The following EML3 variants were observed in gnomAD, a reference collection of about 807,000 sequenced individuals.
EML3 encodes echinoderm microtubule-associated protein-like 3.
Under a neutral mutation model 106.7 loss-of-function variants are expected in EML3, and 53 were observed. The observed-to-expected ratio is 0.50, with a 90% CI of 0.40 to 0.62. The LOEUF is 0.62. Among genes scored for constraint, EML3 ranks in the 20% least tolerant of loss-of-function variants. The probability of loss-of-function intolerance (pLI) is 0.00; values close to 1 mark genes in which losing one functional copy is unlikely to be tolerated. For missense variants in EML3, 994 were observed against 1,209.1 expected (o/e 0.82, Z 2.64); for synonymous variants, 499 against 489.6 (o/e 1.02, Z -0.25).
At chr11:62,609,846 A>C in intron 4 of EML3, 150 bp from the exon 5 acceptor site, 1 of 643,796 alleles carries the variant, frequency 1.6e-6, no homozygotes, top group Admixed American at 2.9e-5. Flanking sequence ...GCCCTAGTAG[A>C]TGGAGACTTC....
In EML3 at chr11:62,602,434, G is replaced by GGGGCC. The variant is rs1298465953; in HGVS notation, c.*36_*40dup. 8 of 1,545,324 alleles carry GGGGCC rather than the reference G, an allele frequency of 5.2e-6. No individual in the cohort carries two copies. In the Admixed American group the frequency reaches 1.4e-4, roughly 27 times the overall value. On this transcript the variant is annotated 3_prime_UTR_variant, in exon 22 of 22. Coordinates refer to ENST00000394773, the MANE Select transcript of EML3 (RefSeq NM_153265.3). ...GGGCCAGGGAAGGGCAGGGCGGGGC[G>GGGGCC]GGGCCACGCCGCCGGGCCAGTCGGT...
chr11:62,611,062 C>A, intron 3 of EML3, 25 bp downstream of exon 3: 1 of 1,601,930 alleles, frequency 6.2e-7, no homozygotes, highest in Non-Finnish European at 8.5e-7. Context: ...TCCCAGCTTC[C>A]GCCACAGGGC....
chr11:62,610,051 G>A (rs1338097144), intron 4 of EML3, among the ~76,000 whole-genome samples: 1 of 152,178 alleles, frequency 6.6e-6, no homozygotes, highest in African/African-American at 2.4e-5. Flanking sequence ...TCCGCCTCCT[G>A]GGTTCAAGCA....
chr11:62,604,223 G>A, intron 16 of EML3, 22 bp from the exon 17 acceptor site: 1 of 1,612,484 alleles, frequency 6.2e-7, no homozygotes, highest in South Asian at 1.1e-5. Flanking sequence ...GGAAGTGGAG[G>A]CAGATAGGAA....
At chr11:62,609,942 G>C (rs1229953570) in intron 4 of EML3, among the ~76,000 whole-genome samples, 1 of 152,222 alleles carries the variant, frequency 6.6e-6, no homozygotes, top group Non-Finnish European at 1.5e-5. Flanking sequence ...AGGCAGTGCA[G>C]GGTGCCAGAG....
chr11:62,611,660 C>T, intron 1 of EML3, 64 bp from the exon 2 acceptor site: 1 of 1,520,022 alleles, frequency 6.6e-7, no homozygotes, highest in Non-Finnish European at 8.8e-7. Context: ...AGAGGGGATT[C>T]TGTCTCCCCA....
intron 11 of EML3, 139 bp from the exon 12 acceptor site, chr11:62,607,238 A>C: frequency 9.9e-7 from 1 of 1,013,604 alleles, no homozygotes; most frequent in South Asian, 1.6e-5. Context: ...ACCTGAGGCC[A>C]GGAGTTTGTG....
At position 62,605,332 on chromosome 11, in the gene EML3, C is replaced by G. The variant is rs1433394476; in HGVS notation, c.1915-152G>C. ...TACCCGGGTATCACTGGAGCCTGAA[C>G]AGGGAGTGATACCAAAATATTTAAC... On this transcript the variant is annotated intron_variant, in intron 15 of 21. Transcript: ENST00000394773. This position sits in a 1 kb window ranked among gnomAD's most constrained non-coding sequence, Gnocchi z 5.2. 2 of 764,370 alleles carry G rather than the reference C, an allele frequency of 2.6e-6. No individual in the cohort carries two copies. Among genetic ancestry groups the G allele is most frequent in the Non-Finnish European group, 4.1e-6 (2 of 491,824 alleles). 47.3% of individuals were successfully genotyped at this position (764,370 alleles called of 1,614,324 possible). A position where few individuals can be genotyped will look rare whatever the true frequency, so the allele number is the denominator to read the frequency against.
chr11:62,607,178 T>C (rs1942568210), intron 11 of EML3, 79 bp from the exon 12 acceptor site: 1 of 1,550,262 alleles, frequency 6.5e-7, no homozygotes, highest in African/African-American at 1.4e-5. Context: ...CCAGGTGCAG[T>C]GGCTCATGCC....
Position 62,607,716 on chromosome 11 carries a change from C to G in EML3, c.1312G>C (p.Val438Leu), listed in dbSNP as rs926843956. The change falls in exon 11 of 22, where the codon GTA becomes CTA. Residue 438 changes from valine to leucine, a missense_variant. This residue lies in a region of EML3 where 713 missense variants were observed against 920.5 expected (regional missense o/e 0.77). Coordinates refer to ENST00000394773, the MANE Select transcript of EML3 (RefSeq NM_153265.3). The part of the protein sequence containing the change: ...HVHFWNWSGG[V>L]GVPGNGTLTR... Reference sequence around the variant, plus strand: ...AGGGTCCCATTCCCAGGAACCCCTACTCCACCACTCCAATTCCAGAAGTGG... The same window carrying G: ...AGGGTCCCATTCCCAGGAACCCCTAGTCCACCACTCCAATTCCAGAAGTGG... The G allele has an allele frequency of 3.7e-6, 6 of 1,614,102 alleles. No individual in the cohort carries two copies. Among genetic ancestry groups the G allele is most frequent in the Non-Finnish European group, 5.1e-6 (6 of 1,180,008 alleles).
In EML3 at chr11:62,608,813, AG is replaced by A; in HGVS notation, c.930-9del. 6.4e-7 allele frequency: 1 copy of A among 1,568,648 alleles called. No homozygotes were observed. On this transcript the variant is annotated splice_polypyrimidine_tract_variant and intron_variant, in intron 7 of 21. Transcript: ENST00000394773. The stretch of plus-strand genomic sequence containing the variant: ...TCAGGGTGAACAGCAAGGCTAAGGC[AG>A]GGGGAAGACACTCTAGGGAAAGGGT...
In EML3 at chr11:62,602,453, A is replaced by G; in HGVS notation, c.*22T>C. On this transcript the variant is annotated 3_prime_UTR_variant, in exon 22 of 22. Transcript: ENST00000394773. Reference sequence around the variant, plus strand: ...CGGGGCGGGGCCACGCCGCCGGGCCAGTCGGTCCCGCCAGGCAGCGATCAA... The same window carrying G: ...CGGGGCGGGGCCACGCCGCCGGGCCGGTCGGTCCCGCCAGGCAGCGATCAA... 1 of 1,544,172 alleles carries G rather than the reference A, an allele frequency of 6.5e-7. No individual in the cohort carries two copies. The highest frequency in any genetic ancestry group is 8.8e-7 in the Non-Finnish European group (1 of 1,142,416).
At chr11:62,611,859 C>CG (rs369765616) in intron 1 of EML3, 20 of 527,032 alleles carry the variant, frequency 3.8e-5, no homozygotes, top group East Asian at 1.3e-4. Flanking sequence ...CATGGAGTAC[C>CG]GGGGGGGAAA....
In EML3 at chr11:62,603,963, C is replaced by A. The variant is rs1942383182; in HGVS notation, c.2150G>T (p.Ser717Ile). 1 of 1,613,994 alleles carries A rather than the reference C, an allele frequency of 6.2e-7. No homozygotes were observed. Among genetic ancestry groups the A allele is most frequent in the Non-Finnish European group, 8.5e-7 (1 of 1,180,036 alleles). ...CCTCACCATACAGCGGCCAAAGCGG[C>A]TGGATTTGGCACCATCACTGGAAAC... ...YSVSSDGAKS[S>I]RFGRCMGHSS... is the part of the protein sequence containing the mutation. Residue 717 changes from serine (S) to isoleucine (I), a missense_variant, in exon 18 of 22, where the codon AGC becomes ATC. By Grantham distance (142) the Ser-to-Ile change is moderately radical. Around this residue, in one of 3 missense-constraint regions of EML3, gnomAD observed 713 missense variants for 920.5 expected, o/e 0.77. Transcript: ENST00000394773.
Position 62,605,047 on chromosome 11 carries a change from C to T in EML3, c.1982+66G>A, listed in dbSNP as rs569786385. ...AGAGGTGGTCACTCTCGCCCACTCC[C>T]CCAGTACCAGGAACCCTTCCCAGTC... On this transcript the variant is annotated intron_variant, in intron 16 of 21. Transcript: ENST00000394773. The surrounding 1 kb of genome is among the most constrained non-coding windows in gnomAD (Gnocchi z 5.2). The T allele has an allele frequency of 6.6e-7, 1 of 1,514,048 alleles. No individual in the cohort carries two copies. Among genetic ancestry groups the T allele is most frequent in the East Asian group, 2.4e-5 (1 of 41,952 alleles). The allele number at this position is 1,514,048 out of a possible 1,614,324, so 93.8% of individuals were successfully genotyped here.
In EML3 at chr11:62,602,444, C is replaced by T. The variant is rs770914338; in HGVS notation, c.*31G>A. 14 of 1,544,872 alleles carry T rather than the reference C, an allele frequency of 9.1e-6. No homozygotes were observed. The highest frequency in any genetic ancestry group is 1.2e-5 in the Non-Finnish European group (14 of 1,142,938). On this transcript the variant is annotated 3_prime_UTR_variant, in exon 22 of 22. Coordinates refer to ENST00000394773, the MANE Select transcript of EML3 (RefSeq NM_153265.3). ...AGGGCAGGGCGGGGCGGGGCCACGC[C>T]GCCGGGCCAGTCGGTCCCGCCAGGC...
chr11:62,606,371 C>G (rs1364413618), intron 12 of EML3, 157 bp from the exon 13 acceptor site: 2 of 893,532 alleles, frequency 2.2e-6, no homozygotes, highest in South Asian at 1.8e-5. Flanking sequence ...GTTATTCTCC[C>G]CATTTTACAA....
intron 12 of EML3, 37 bp downstream of exon 12, chr11:62,606,921 G>C: frequency 2.1e-5 from 33 of 1,598,220 alleles, no homozygotes; most frequent in Non-Finnish European, 2.8e-5. Flanking sequence ...AACCTCTGGA[G>C]TACTACACTT....
At position 62,609,393 on chromosome 11, in the gene EML3, G is replaced by C. The variant is rs373348539; in HGVS notation, c.719C>G (p.Pro240Arg). The change falls in exon 6 of 22, where the codon CCG (proline) becomes CGG (arginine). Residue 240 changes from proline (P) to arginine (R), a missense_variant. Pro to Arg is a moderately radical substitution (Grantham distance 103). Around this residue, in one of 3 missense-constraint regions of EML3, gnomAD observed 713 missense variants for 920.5 expected, o/e 0.77. Transcript: ENST00000394773. Reference protein sequence around the residue: ...PSGIRSLEELPSGPPPETLSL... With the variant: ...PSGIRSLEELRSGPPPETLSL... ...GAGGGTCTCTGGCGGTGGGCCACTC[G>C]GCAGCTCCTCAAGGCTGCGGATGCC... 1.9e-6 allele frequency: 3 copies of C among 1,598,348 alleles called. No homozygotes were observed. The highest frequency in any genetic ancestry group is 1.3e-5 in the African/African-American group (1 of 74,290).
Sources: allele counts gnomAD v4.1 joint callset (sites outside exome capture counted in the v4.1 genomes callset), GRCh38; gene constraint gnomAD v4.1.1; regional missense constraint gnomAD v4.1.1; non-coding constraint Gnocchi (gnomAD v3.1); transcripts MANE v1.5; gene names NCBI Gene and HGNC (gene_info 2026-07-23, HGNC 2026-07-21).